The following IPO11 variants were observed in gnomAD, a reference collection of about 807,000 sequenced individuals.
IPO11 encodes the protein importin 11.
IPO11 carries 66 observed loss-of-function variants against 143.2 expected under a neutral mutation model. The observed-to-expected ratio is 0.46, with a 90% CI of 0.38 to 0.57. The LOEUF (loss-of-function observed/expected upper bound fraction) is 0.57. Among genes scored for constraint, IPO11 ranks in the 20% least tolerant of loss-of-function variants. The pLI, the probability that IPO11 is intolerant of heterozygous loss-of-function variation, is 0.00. For missense variants in IPO11, 1,026 were observed against 1,141.0 expected, an observed-to-expected ratio of 0.90 and a Z score of 1.45; for synonymous variants, 385 against 377.8, an observed-to-expected ratio of 1.02 and a Z score of -0.22.
At chr5:62,478,410 A>G (rs1424566285) in intron 9 of IPO11, among the ~76,000 whole-genome samples, 1 of 151,938 alleles carries the variant, frequency 6.6e-6, no homozygotes, top group Non-Finnish European at 1.5e-5. Context: ...CAAGTGATCC[A>G]CCCACTGCCA....
chr5:62,623,870 G>A (rs952078315), intron 29 of IPO11, among the ~76,000 whole-genome samples: 5 of 151,508 alleles, frequency 3.3e-5, no homozygotes, highest in Non-Finnish European at 5.9e-5. Flanking sequence ...TTATCCACCC[G>A]CCTCAGCCTT....
At chr5:62,513,726 G>C (rs868396232) in intron 19 of IPO11, among the ~76,000 whole-genome samples, 9,769 of 149,226 alleles carry the variant, frequency 0.065, 11 homozygotes, top group African/African-American at 0.19. Context: ...CTGGCCGGGT[G>C]GGGGGCTGAC....
chr5:62,486,559 GT>G (rs1561330887), intron 12 of IPO11, among the ~76,000 whole-genome samples: 1 of 152,030 alleles, frequency 6.6e-6, no homozygotes, highest in East Asian at 1.9e-4. Context: ...ATGTTTTGCC[GT>G]TACCAGATGT....
chr5:62,553,637 TC>T (rs1327778421), intron 26 of IPO11, among the ~76,000 whole-genome samples: 4 of 151,914 alleles, frequency 2.6e-5, no homozygotes, highest in Admixed American at 6.6e-5. Flanking sequence ...TTGCTCTACA[TC>T]CTTTCCAGCA....
At chr5:62,450,055 A>C in intron 4 of IPO11, 56 bp downstream of exon 4, 1 of 1,087,244 alleles carries the variant, frequency 9.2e-7, no homozygotes, top group Non-Finnish European at 1.4e-6. Context: ...TTTCCAAACT[A>C]ATTTTATATT....
intron 1 of IPO11, among the ~76,000 whole-genome samples, chr5:62,419,711 T>A (rs1017551047): frequency 1.3e-5 from 2 of 152,048 alleles, no homozygotes; most frequent in Admixed American, 1.3e-4. Flanking sequence ...AGAAGTATAG[T>A]AGTGGGGCTT....
intron 7 of IPO11, among the ~76,000 whole-genome samples, chr5:62,473,939 G>A (rs1745871413): frequency 6.6e-6 from 1 of 152,112 alleles, no homozygotes; most frequent in Non-Finnish European, 1.5e-5. Context: ...TTGGTACCAT[G>A]TGTTCATTTT....
chr5:62,482,598 A>T (rs916095951), intron 9 of IPO11, among the ~76,000 whole-genome samples: 1 of 152,134 alleles, frequency 6.6e-6, no homozygotes, highest in Non-Finnish European at 1.5e-5. Context: ...ATTTGCCTAG[A>T]TCCATTATTT....
chr5:62,601,768 A>G lies in IPO11; in HGVS notation c.2683A>G (p.Met895Val). The change falls in exon 29 of 30, where the codon ATG (methionine) becomes GTG (valine). Residue 895 changes from methionine to valine, a missense_variant. Met to Val is a conservative substitution (Grantham distance 21). Coordinates refer to ENST00000325324, the MANE Select transcript of IPO11 (RefSeq NM_016338.5). ...TTTTTTAAAAAATTATTATAGCTGT[A>G]TGTTGATGTCTCATCTTGAGGAACC... Reference protein sequence around the residue: ...DPETGTYKDCMLMSHLEEPKV... With the variant: ...DPETGTYKDCVLMSHLEEPKV... 1 of 1,556,838 alleles carries G rather than the reference A, an allele frequency of 6.4e-7. No homozygotes were observed. The highest frequency in any genetic ancestry group is 1.9e-5 in the Admixed American group (1 of 54,016).
At chr5:62,498,164 AT>A (rs373571692) in intron 16 of IPO11, among the ~76,000 whole-genome samples, 12 of 147,062 alleles carry the variant, frequency 8.2e-5, no homozygotes, top group Admixed American at 2.0e-4. Context: ...TTCATTAGCC[AT>A]TTTTTTTTTG....
chr5:62,619,116 G>A (rs1746252661), intron 29 of IPO11, among the ~76,000 whole-genome samples: 1 of 152,116 alleles, frequency 6.6e-6, no homozygotes, highest in African/African-American at 2.4e-5. Context: ...CCAGCTCCTT[G>A]AATTTGAATG....
intron 1 of IPO11, among the ~76,000 whole-genome samples, chr5:62,434,533 C>T (rs773242881): frequency 1.3e-5 from 2 of 152,102 alleles, no homozygotes; most frequent in Non-Finnish European, 2.9e-5. Flanking sequence ...GTCCTGGGCT[C>T]AGGCGATCTG....
At chr5:62,595,918 A>G (rs988959034) in intron 28 of IPO11, among the ~76,000 whole-genome samples, 1 of 151,812 alleles carries the variant, frequency 6.6e-6, no homozygotes, top group Non-Finnish European at 1.5e-5. Flanking sequence ...AATATTGGGA[A>G]ATGAAATTGA....
intron 29 of IPO11, among the ~76,000 whole-genome samples, chr5:62,621,564 G>T (rs537097922): frequency 3.3e-5 from 5 of 152,306 alleles, no homozygotes; most frequent in Admixed American, 3.3e-4. Context: ...AGGCTTGAAG[G>T]CTGGGTTTAA....
At chr5:62,600,440 G>A (rs139861138) in intron 28 of IPO11, among the ~76,000 whole-genome samples, 2 of 152,298 alleles carry the variant, frequency 1.3e-5, no homozygotes, top group East Asian at 3.9e-4. Flanking sequence ...GGAAGAATTT[G>A]ATGCAGAATA....
chr5:62,534,772 T>C (rs1052380423), intron 22 of IPO11, among the ~76,000 whole-genome samples: 1 of 152,098 alleles, frequency 6.6e-6, no homozygotes, highest in African/African-American at 2.4e-5. Context: ...ATGACAAAAA[T>C]GTTTCTAGAC....
At chr5:62,599,672 C>A (rs995882087) in intron 28 of IPO11, among the ~76,000 whole-genome samples, 1 of 152,154 alleles carries the variant, frequency 6.6e-6, no homozygotes, top group Non-Finnish European at 1.5e-5. Flanking sequence ...TGGATCTATT[C>A]GGTGATTTCT....
intron 29 of IPO11, among the ~76,000 whole-genome samples, chr5:62,623,148 AAAG>A (rs546418256): frequency 1.2e-4 from 19 of 152,352 alleles, no homozygotes; most frequent in South Asian, 1.0e-3. Context: ...ATTAGTCAGA[AAAG>A]AAGGGAATTT....
At chr5:62,574,771 A>G (rs1485166625) in intron 27 of IPO11, among the ~76,000 whole-genome samples, 3 of 152,214 alleles carry the variant, frequency 2.0e-5, no homozygotes, top group African/African-American at 4.8e-5. Flanking sequence ...ATGACTGTGT[A>G]ACAGGAACAG....
Sources: gnomAD v4.1 joint callset for allele counts (sites outside exome capture counted in the v4.1 genomes callset) on GRCh38, gnomAD v4.1.1 for gene constraint, MANE v1.5 for transcripts, NCBI Gene and HGNC (gene_info 2026-07-23, HGNC 2026-07-21) for gene names.